The following SLAIN2 variants were observed in gnomAD, a reference collection of about 807,000 sequenced individuals.
SLAIN2 encodes SLAIN motif-containing protein 2.
In SLAIN2, 31 loss-of-function variants were observed where a neutral mutation model predicts 56.6. The ratio of observed to expected loss-of-function variants is 0.55; its 90% CI spans 0.41 to 0.74. The LOEUF (loss-of-function observed/expected upper bound fraction) is 0.74. Ranked by LOEUF, SLAIN2 falls within the 30% of genes least tolerant of loss-of-function variation. The probability of loss-of-function intolerance (pLI) is 0.00; values close to 1 mark genes in which losing one functional copy is unlikely to be tolerated. For synonymous variants in SLAIN2, 317 were observed against 284.9 expected, an observed-to-expected ratio of 1.11 and a Z score of -1.13; for missense variants, 777 against 754.2, an observed-to-expected ratio of 1.03 and a Z score of -0.35.
rs550441725 is a variant in SLAIN2, at chr4:48,389,750, G to A, written c.1360+5966G>A. Among the ~76,000 whole-genome samples, 24 of 152,342 alleles carry A rather than the reference G, an allele frequency of 1.6e-4. 1 individual carries two copies. The South Asian group carries it at 1.7e-3, about 11-fold the overall frequency. ...AGTATAGTGGTTTTGTATAACTAAAGTGTAGGGTGTATGATGGGTAAGGGA... is the reference window on the plus strand; with the variant it reads ...AGTATAGTGGTTTTGTATAACTAAAATGTAGGGTGTATGATGGGTAAGGGA... On this transcript the variant is annotated intron_variant, in intron 6 of 7. Transcript: ENST00000264313.
rs116287703 is a variant in SLAIN2 at position 48,348,996 on chromosome 4, A to G, written c.389+6868A>G. On this transcript the variant is annotated intron_variant, in intron 1 of 7. Coordinates refer to ENST00000264313, the MANE Select transcript of SLAIN2 (RefSeq NM_020846.2). Reference sequence around the variant, plus strand: ...TGCTTTTGCCAGAACCTTCAAGAACATTTATGCCCTTTGGCTTTTGATGTT... The same window carrying G: ...TGCTTTTGCCAGAACCTTCAAGAACGTTTATGCCCTTTGGCTTTTGATGTT... Among the ~76,000 whole-genome samples the G allele has an allele frequency of 3.8e-3, 575 of 152,334 alleles. 5 individuals are homozygous for G. The highest frequency in any genetic ancestry group is 0.013 in the African/African-American group (533 of 41,568).
Position 48,413,818 on chromosome 4 carries a change from A to G in SLAIN2, c.1361-6307A>G, listed in dbSNP as rs543253026. On this transcript the variant is annotated intron_variant, in intron 6 of 7. Coordinates refer to ENST00000264313, the MANE Select transcript of SLAIN2 (RefSeq NM_020846.2). ...TGAAGGAAGACTGCTCTGTGAAGAC[A>G]ACTTGGAATATCTAACTTTTGTATT... Among the ~76,000 whole-genome samples the G allele has an allele frequency of 4.7e-4, 71 of 152,310 alleles. 1 individual carries two copies. The South Asian group carries it at 0.014, about 29-fold the overall frequency.
chr4:48,405,548 C>A (rs927643706), intron 6 of SLAIN2, among the ~76,000 whole-genome samples: 8 of 151,828 alleles, frequency 5.3e-5, no homozygotes, highest in Admixed American at 3.9e-4. Flanking sequence ...CTTGTATTTT[C>A]TATAAAGTGA....
At chr4:48,353,942 C>T (rs421336) in intron 1 of SLAIN2, among the ~76,000 whole-genome samples, 91,511 of 151,912 alleles carry the variant, frequency 0.6, 27,877 homozygotes, top group South Asian at 0.71. Flanking sequence ...AAACAGTCGA[C>T]ATTGGCTCAA....
rs1180058788 is a variant in SLAIN2, at chr4:48,342,118, G to A, written c.379G>A (p.Glu127Lys). The A allele has an allele frequency of 5.9e-6, 8 of 1,361,368 alleles. No individual in the cohort carries two copies. The highest frequency in any genetic ancestry group is 1.5e-5 in the African/African-American group (1 of 65,206). The allele number at this position is 1,361,368 out of a possible 1,614,324, so 84.3% of individuals were successfully genotyped here. The part of the protein sequence containing the change: ...LERLSGWEEE[E>K]ESWLYSSPKK... ...GCGCCTGTCAGGCTGGGAGGAGGAGGAGGAGAGCTGGTGAGCGCGAGGCGC... is the reference window on the plus strand; with the variant it reads ...GCGCCTGTCAGGCTGGGAGGAGGAGAAGGAGAGCTGGTGAGCGCGAGGCGC... The change falls in exon 1 of 8, where the codon GAG becomes AAG. Residue 127 changes from glutamate (E) to lysine (K), a missense_variant. Physicochemically the swap from Glu to Lys is moderately conservative, Grantham distance 56 (BLOSUM62 1). Coordinates refer to ENST00000264313, the MANE Select transcript of SLAIN2 (RefSeq NM_020846.2).
At chr4:48,414,363 G>C (rs1342089753) in intron 6 of SLAIN2, among the ~76,000 whole-genome samples, 1 of 152,102 alleles carries the variant, frequency 6.6e-6, no homozygotes, top group Non-Finnish European at 1.5e-5. Flanking sequence ...GCAGACTAAA[G>C]GAGGCCTGTT....
chr4:48,414,118 A>T (rs1486628333), intron 6 of SLAIN2, among the ~76,000 whole-genome samples: 1 of 152,146 alleles, frequency 6.6e-6, no homozygotes, highest in African/African-American at 2.4e-5. Flanking sequence ...CATTTTTATA[A>T]ATAGAGTTCT....
chr4:48,412,239 C>G (rs749136600), intron 6 of SLAIN2, among the ~76,000 whole-genome samples: 4 of 152,050 alleles, frequency 2.6e-5, no homozygotes, highest in Non-Finnish European at 4.4e-5. Context: ...ATCTTGATAT[C>G]ATGTATTTTG....
chr4:48,365,036 A>G (rs1463121532), intron 1 of SLAIN2, among the ~76,000 whole-genome samples: 1 of 152,138 alleles, frequency 6.6e-6, no homozygotes, highest in Non-Finnish European at 1.5e-5. Context: ...TATTAGCATT[A>G]GGTTGTTCAT....
At chr4:48,392,311 A>G (rs1487975574) in intron 6 of SLAIN2, among the ~76,000 whole-genome samples, 1 of 152,194 alleles carries the variant, frequency 6.6e-6, no homozygotes, top group Non-Finnish European at 1.5e-5. Context: ...TTGTCTGTAG[A>G]TAACTGTTGT....
At chr4:48,411,913 T>C (rs1170682535) in intron 6 of SLAIN2, among the ~76,000 whole-genome samples, 2 of 152,204 alleles carry the variant, frequency 1.3e-5, no homozygotes, top group Non-Finnish European at 2.9e-5. Context: ...ATTTTGGGCC[T>C]CATGGAGATA....
intron 2 of SLAIN2, among the ~76,000 whole-genome samples, chr4:48,376,550 A>G (rs1001694573): frequency 6.7e-6 from 1 of 150,194 alleles, no homozygotes; most frequent in Admixed American, 6.6e-5. Flanking sequence ...CTACTGTTGT[A>G]CTATTTATTT....
intron 2 of SLAIN2, among the ~76,000 whole-genome samples, chr4:48,375,848 G>A (rs1715796443): frequency 6.6e-6 from 1 of 152,162 alleles, no homozygotes; most frequent in Admixed American, 6.5e-5. Context: ...ACTGAGTAAA[G>A]CACATACTTT....
At chr4:48,385,402 G>A (rs908428135) in intron 6 of SLAIN2, among the ~76,000 whole-genome samples, 14 of 152,218 alleles carry the variant, frequency 9.2e-5, no homozygotes, top group African/African-American at 3.4e-4. Flanking sequence ...AGGGACACAA[G>A]GGATGCTTAT....
intron 6 of SLAIN2, among the ~76,000 whole-genome samples, chr4:48,403,239 G>A (rs1166731386): frequency 6.6e-6 from 1 of 152,100 alleles, no homozygotes; most frequent in African/African-American, 2.4e-5. Context: ...GCCCTTTTGT[G>A]GAGCAGGTGT....
At chr4:48,385,638 C>CTTTTTTTTTTTTTT in intron 6 of SLAIN2, among the ~76,000 whole-genome samples, 1 of 145,818 alleles carries the variant, frequency 6.9e-6, no homozygotes, top group Non-Finnish European at 1.5e-5. Context: ...CTTTTTTTTT[C>CTTTTTTTTTTTTTT]TTTTTTTTTT....
intron 6 of SLAIN2, among the ~76,000 whole-genome samples, chr4:48,405,754 T>TC (rs1438065725): frequency 6.6e-6 from 1 of 152,172 alleles, no homozygotes; most frequent in African/African-American, 2.4e-5. Context: ...GAATTTTAAT[T>TC]CCCGTGTTCC....
chr4:48,402,632 A>G (rs556102958), intron 6 of SLAIN2, among the ~76,000 whole-genome samples: 1 of 152,230 alleles, frequency 6.6e-6, no homozygotes, highest in African/African-American at 2.4e-5. Flanking sequence ...TCTCTAAACT[A>G]GCTATTCTGG....
At position 48,414,576 on chromosome 4, in the gene SLAIN2, A is replaced by G. The variant is rs1004655613; in HGVS notation, c.1361-5549A>G. On this transcript the variant is annotated intron_variant, in intron 6 of 7. Coordinates refer to ENST00000264313, the MANE Select transcript of SLAIN2 (RefSeq NM_020846.2). ...TTTTTTTTTTTTTTTTTTTTATTATACTCTAAGTTTTAGGGTACATGTGCA... is the reference window on the plus strand; with the variant it reads ...TTTTTTTTTTTTTTTTTTTTATTATGCTCTAAGTTTTAGGGTACATGTGCA... 2.4e-5 allele frequency among the ~76,000 whole-genome samples: 3 copies of G among 126,810 alleles called. No homozygotes were observed. In the Admixed American group the frequency reaches 2.5e-4, roughly 11 times the overall value. 83.2% of individuals were successfully genotyped at this position (126,810 alleles called of 152,430 possible).
Sources: allele counts gnomAD v4.1 joint callset (sites outside exome capture counted in the v4.1 genomes callset), GRCh38; gene constraint gnomAD v4.1.1; transcripts MANE v1.5; gene names NCBI Gene and HGNC (gene_info 2026-07-23, HGNC 2026-07-21).